Variants in KLHL3 observed in about 807,000 individuals in gnomAD.
KLHL3 encodes kelch-like protein 3.
In KLHL3, 19 loss-of-function variants were observed where a neutral mutation model predicts 70.5. That is an observed-to-expected ratio of 0.27 (90% confidence interval 0.19 to 0.40). KLHL3 has a LOEUF of 0.40. Ranked by LOEUF, KLHL3 falls within the 10% of genes least tolerant of loss-of-function variation. The pLI, the probability that KLHL3 is intolerant of heterozygous loss-of-function variation, is 1.00. For missense variants in KLHL3, 512 were observed against 771.1 expected (o/e 0.66, Z 3.98); for synonymous variants, 258 against 290.3 (o/e 0.89, Z 1.13).
At position 137,622,022 on chromosome 5, in the gene KLHL3, G is replaced by A; in HGVS notation, c.*76C>T. 6.6e-7 allele frequency: 1 copy of A among 1,508,270 alleles called. No homozygotes were observed. Among genetic ancestry groups the A allele is most frequent in the East Asian group, 2.3e-5 (1 of 44,362 alleles). The allele number at this position is 1,508,270 out of a possible 1,614,324, so 93.4% of individuals were successfully genotyped here. A position where few individuals can be genotyped will look rare whatever the true frequency, so the allele number is the denominator to read the frequency against. On this transcript the variant is annotated 3_prime_UTR_variant, in exon 15 of 15. Coordinates refer to ENST00000309755, the MANE Select transcript of KLHL3 (RefSeq NM_017415.3). Reference sequence around the variant, plus strand: ...GACCCTCCCAAGCAAGTTGAATCCAGTCACCAAGGTCCTGCTGTTCAGAGT... The same window carrying A: ...GACCCTCCCAAGCAAGTTGAATCCAATCACCAAGGTCCTGCTGTTCAGAGT...
chr5:137,698,366 T>A lies in KLHL3; in HGVS notation c.284A>T (p.Asp95Val). The A allele has an allele frequency of 6.2e-7, 1 of 1,614,222 alleles. No individual in the cohort carries two copies. The highest frequency in any genetic ancestry group is 8.5e-7 in the Non-Finnish European group (1 of 1,180,032). The stretch of plus-strand genomic sequence containing the variant: ...CTTACTCAGCGTCTGCCCATCCACG[T>A]CCTTGATTTCTATCTTTTTGGCTTT... The part of the protein sequence containing the change: ...ESKAKKIEIK[D>V]VDGQTLSKLI... Residue 95 changes from aspartate (D) to valine (V), a missense_variant, in exon 4 of 15, where the codon GAC becomes GTC. Transcript: ENST00000309755.
chr5:137,723,544 T>C (rs1200035492), intron 1 of KLHL3, among the ~76,000 whole-genome samples: 1 of 152,238 alleles, frequency 6.6e-6, no homozygotes, highest in Non-Finnish European at 1.5e-5. Flanking sequence ...TTCTGATTGT[T>C]ATAGTTTATA....
At chr5:137,682,672 C>G (rs1032860603) in intron 5 of KLHL3, among the ~76,000 whole-genome samples, 1 of 152,166 alleles carries the variant, frequency 6.6e-6, no homozygotes, top group Admixed American at 6.5e-5. Context: ...TCCCTAATCA[C>G]CCTGCTTTAT....
intron 8 of KLHL3, among the ~76,000 whole-genome samples, chr5:137,649,953 C>T (rs1433736593): frequency 6.6e-6 from 1 of 152,194 alleles, no homozygotes; most frequent in African/African-American, 2.4e-5. Context: ...CTCAATCTCA[C>T]CGATTCTCAG....
At chr5:137,714,424 T>C (rs1228566556) in intron 2 of KLHL3, among the ~76,000 whole-genome samples, 1 of 152,198 alleles carries the variant, frequency 6.6e-6, no homozygotes, top group African/African-American at 2.4e-5. Flanking sequence ...AAGTCAAATG[T>C]GGTATATCTA....
intron 1 of KLHL3, among the ~76,000 whole-genome samples, chr5:137,721,720 T>C (rs773845969): frequency 6.6e-6 from 1 of 152,222 alleles, no homozygotes; most frequent in Non-Finnish European, 1.5e-5. Context: ...GCAGGAGGAC[T>C]GCTTGTGCCC....
At chr5:137,647,900 G>C (rs1751097227) in intron 8 of KLHL3, among the ~76,000 whole-genome samples, 1 of 152,196 alleles carries the variant, frequency 6.6e-6, no homozygotes, top group South Asian at 2.1e-4. Context: ...GTGTGGCTAT[G>C]AGCAAGACAT....
chr5:137,730,609 C>T (rs981060604), intron 1 of KLHL3, among the ~76,000 whole-genome samples: 1 of 152,154 alleles, frequency 6.6e-6, no homozygotes, highest in Non-Finnish European at 1.5e-5. Context: ...AAACTGCTTT[C>T]TTTAAAACTC....
chr5:137,705,470 T>G (rs574316274), intron 3 of KLHL3, among the ~76,000 whole-genome samples: 1 of 152,196 alleles, frequency 6.6e-6, no homozygotes, highest in African/African-American at 2.4e-5. Flanking sequence ...TTACCATATA[T>G]TCAAAGATAC....
chr5:137,715,691 C>A (rs1309431280), intron 2 of KLHL3, among the ~76,000 whole-genome samples: 2 of 152,152 alleles, frequency 1.3e-5, no homozygotes, highest in African/African-American at 2.4e-5. Flanking sequence ...ACAGAATATT[C>A]ATTATGTGCC....
intron 3 of KLHL3, 42 bp downstream of exon 3, chr5:137,709,708 G>T: frequency 2.7e-6 from 4 of 1,479,192 alleles, no homozygotes; most frequent in East Asian, 2.3e-5. Context: ...CAGTGGGGCT[G>T]CAGCCCCATA....
At chr5:137,629,464 A>T (rs758861992) in intron 12 of KLHL3, 2 of 152,228 alleles carry the variant, frequency 1.3e-5, no homozygotes, top group Non-Finnish European at 2.9e-5. Flanking sequence ...CAGGAGTCAG[A>T]AAAAGTTCCT....
intron 6 of KLHL3, among the ~76,000 whole-genome samples, chr5:137,662,345 G>A (rs1279403560): frequency 1.3e-5 from 2 of 151,464 alleles, no homozygotes; most frequent in Admixed American, 6.6e-5. Flanking sequence ...ATAAAAACCA[G>A]TTCCAATAGT....
chr5:137,624,571 A>G (rs1401485529), intron 14 of KLHL3, among the ~76,000 whole-genome samples: 1 of 152,262 alleles, frequency 6.6e-6, no homozygotes, highest in African/African-American at 2.4e-5. Context: ...AACTCCTTCA[A>G]ATTTGCACAG....
At chr5:137,657,091 G>C (rs1402829364) in intron 8 of KLHL3, among the ~76,000 whole-genome samples, 1 of 152,158 alleles carries the variant, frequency 6.6e-6, no homozygotes, top group Non-Finnish European at 1.5e-5. Context: ...ATGATCCAAG[G>C]TCAAGGAGCA....
rs1756351537 is a variant in KLHL3, at chr5:137,620,047, G to A, written c.*2051C>T. Reference sequence around the variant, plus strand: ...AAAATTTCCTCAGAGAAGGAGAAAGGACATTTCTCATTCCATCAGCTTCCA... The same window carrying A: ...AAAATTTCCTCAGAGAAGGAGAAAGAACATTTCTCATTCCATCAGCTTCCA... On this transcript the variant is annotated 3_prime_UTR_variant, in exon 15 of 15. Transcript: ENST00000309755. 1 of 152,226 alleles carries A rather than the reference G, an allele frequency of 6.6e-6. No individual in the cohort carries two copies. The highest frequency in any genetic ancestry group is 2.4e-5 in the African/African-American group (1 of 41,426). 9.4% of individuals were successfully genotyped at this position (152,226 alleles called of 1,614,324 possible). A position where few individuals can be genotyped will look rare whatever the true frequency, so the allele number is the denominator to read the frequency against.
intron 8 of KLHL3, chr5:137,647,767 G>A (rs1751091889): frequency 2.8e-6 from 1 of 363,296 alleles, no homozygotes; most frequent in South Asian, 2.0e-5. Context: ...AGAAAATGGG[G>A]GTCTGAGAAC....
At chr5:137,728,293 T>C (rs1753116806) in intron 1 of KLHL3, among the ~76,000 whole-genome samples, 1 of 152,190 alleles carries the variant, frequency 6.6e-6, no homozygotes, top group Non-Finnish European at 1.5e-5. Flanking sequence ...GTTATCTTAG[T>C]TGCCTCTGAA....
In KLHL3 at chr5:137,683,802, G is replaced by GCACA. The variant is rs1208563344; in HGVS notation, c.527-6149_527-6148insTGTG. Among the ~76,000 whole-genome samples, 1,244 of 150,374 alleles carry GCACA rather than the reference G, an allele frequency of 8.3e-3. 17 individuals are homozygous for GCACA. The highest frequency in any genetic ancestry group is 0.029 in the African/African-American group (1,167 of 40,788). On this transcript the variant is annotated intron_variant, in intron 5 of 14. Coordinates refer to ENST00000309755, the MANE Select transcript of KLHL3 (RefSeq NM_017415.3). ...CTCTCTCTCACACACACACATGCAC[G>GCACA]CGCACACACACACACACACATACAC...
Sources: gnomAD v4.1 joint callset for allele counts (sites outside exome capture counted in the v4.1 genomes callset) on GRCh38, gnomAD v4.1.1 for gene constraint, MANE v1.5 for transcripts, NCBI Gene and HGNC (gene_info 2026-07-23, HGNC 2026-07-21) for gene names.